Variants in TUSC3 observed in about 807,000 individuals in gnomAD.
TUSC3 encodes dolichyl-diphosphooligosaccharide--protein glycosyltransferase subunit TUSC3.
A neutral mutation model predicts 44.8 loss-of-function variants in TUSC3; 45 were observed. The observed-to-expected ratio is 1.00, with a 90% confidence interval of 0.79 to 1.29. The LOEUF (loss-of-function observed/expected upper bound fraction) is 1.29. Ranked by LOEUF, TUSC3 falls within the 50% of genes most tolerant of loss-of-function variation. The pLI is 0.00. For synonymous variants in TUSC3, 212 were observed against 152.9 expected (o/e 1.39, Z -2.85); for missense variants, 519 against 437.9 (o/e 1.19, Z -1.65).
the TUSC3 span, among the ~76,000 whole-genome samples, chr8:15,839,149 GCT>G: frequency 6.6e-6 from 1 of 151,930 alleles, no homozygotes; most frequent in Non-Finnish European, 1.5e-5. Flanking sequence ...TCATGATTTG[GCT>G]CTCTGTTTGT....
intron 1 of TUSC3, among the ~76,000 whole-genome samples, chr8:15,459,097 C>T (rs186330082): frequency 6.6e-4 from 101 of 152,264 alleles, no homozygotes; most frequent in South Asian, 4.6e-3. Flanking sequence ...TACTCCTAGC[C>T]TTATGACCCA....
In TUSC3 at chr8:15,700,849, C is replaced by CTTTTTTTTTTTTTTTTTT. The variant is rs71211076; in HGVS notation, c.798+27014_798+27031dup. Among the ~76,000 whole-genome samples, 129 of 90,526 alleles carry CTTTTTTTTTTTTTTTTTT rather than the reference C, an allele frequency of 1.4e-3. 15 individuals are homozygous for CTTTTTTTTTTTTTTTTTT. The highest frequency in any genetic ancestry group is 5.9e-3 in the East Asian group (15 of 2,554). The allele number at this position is 90,526 out of a possible 152,430, so 59.4% of individuals were successfully genotyped here. A position where few individuals can be genotyped will look rare whatever the true frequency, so the allele number is the denominator to read the frequency against. ...CTTTCACTAGAGGGAATGGCTGGAG[C>CTTTTTTTTTTTTTTTTTT]TTTTTTTTTTTTTTTTTTGCTTTGC... On this transcript the variant is annotated intron_variant, in intron 6 of 10. Transcript: ENST00000503731.
intron 9 of TUSC3, among the ~76,000 whole-genome samples, chr8:15,754,804 A>AT (rs1317071126): frequency 2.0e-5 from 3 of 151,590 alleles, no homozygotes; most frequent in Non-Finnish European, 4.4e-5. Context: ...TTTTTTTTAC[A>AT]TTTTTTCCTC....
At chr8:15,756,845 C>CGAGTTTGGGGAA (rs1563208441) in intron 9 of TUSC3, among the ~76,000 whole-genome samples, 2 of 152,140 alleles carry the variant, frequency 1.3e-5, no homozygotes, top group African/African-American at 4.8e-5. Flanking sequence ...AACTCGAGCT[C>CGAGTTTGGGGAA]TAAAGCTAAC....
At chr8:15,585,726 G>C (rs1384844919) in intron 1 of TUSC3, among the ~76,000 whole-genome samples, 1 of 152,116 alleles carries the variant, frequency 6.6e-6, no homozygotes, top group East Asian at 1.9e-4. Context: ...CACCTGTGTA[G>C]CCTTTTTTAC....
chr8:15,459,430 A>C (rs1377469874), intron 1 of TUSC3, among the ~76,000 whole-genome samples: 2 of 152,164 alleles, frequency 1.3e-5, no homozygotes, highest in African/African-American at 4.8e-5. Context: ...TAAAGCAATA[A>C]TTAGAAAAAT....
chr8:15,819,089 G>C, the TUSC3 span, among the ~76,000 whole-genome samples: 1 of 152,164 alleles, frequency 6.6e-6, no homozygotes, highest in African/African-American at 2.4e-5. Flanking sequence ...TTTATCTGGA[G>C]AAAATTCACA....
intron 1 of TUSC3, among the ~76,000 whole-genome samples, chr8:15,464,109 T>C (rs1055300028): frequency 1.3e-5 from 2 of 152,200 alleles, no homozygotes; most frequent in Non-Finnish European, 2.9e-5. Context: ...AACTGGAGCA[T>C]GGCAAATTAG....
upstream of TUSC3, among the ~76,000 whole-genome samples, chr8:15,536,021 C>T (rs1801517171): frequency 6.6e-6 from 1 of 152,164 alleles, no homozygotes; most frequent in Non-Finnish European, 1.5e-5. Context: ...CATCAGCTAT[C>T]ATTAGTGTTT....
chr8:15,625,207 CAT>C (rs938529834), intron 2 of TUSC3, among the ~76,000 whole-genome samples: 185 of 152,078 alleles, frequency 1.2e-3, no homozygotes, highest in African/African-American at 4.3e-3. Context: ...TTAATTGTGT[CAT>C]ATTATTTTAT....
At chr8:15,480,194 A>G (rs1563262072) in intron 1 of TUSC3, among the ~76,000 whole-genome samples, 1 of 152,228 alleles carries the variant, frequency 6.6e-6, no homozygotes. Flanking sequence ...ACACAAAGAA[A>G]TAGAAAAACT....
At chr8:15,845,968 A>AG in the TUSC3 span, among the ~76,000 whole-genome samples, 4 of 152,124 alleles carry the variant, frequency 2.6e-5, no homozygotes, top group African/African-American at 9.7e-5. Flanking sequence ...GGGGAAAGGC[A>AG]CTTCTTACAT....
chr8:15,753,833 A>G lies in TUSC3; in HGVS notation c.1029-3958A>G, dbSNP rs1563206742. ...CTGACAGTACAGGGAAAGCAAATAT[A>G]TATCTATTCAATTAGTTAACTAAAG... On this transcript the variant is annotated intron_variant, in intron 9 of 10. Coordinates refer to ENST00000503731, the MANE Select transcript of TUSC3 (RefSeq NM_006765.4). Among the ~76,000 whole-genome samples, 6 of 152,186 alleles carry G rather than the reference A, an allele frequency of 3.9e-5. No individual in the cohort carries two copies. In the South Asian group the frequency reaches 1.0e-3, roughly 26 times the overall value.
intron 1 of TUSC3, among the ~76,000 whole-genome samples, chr8:15,455,009 C>G (rs959937147): frequency 5.3e-5 from 8 of 152,234 alleles, no homozygotes; most frequent in African/African-American, 1.7e-4. Flanking sequence ...CATGGGGAAT[C>G]TTAGGGGTTG....
chr8:15,489,018 TA>T (rs1291455511), intron 2 of TUSC3, among the ~76,000 whole-genome samples: 2 of 152,164 alleles, frequency 1.3e-5, no homozygotes, highest in African/African-American at 4.8e-5. Flanking sequence ...AGAGAAACTG[TA>T]AAATATTTAT....
intron 1 of TUSC3, among the ~76,000 whole-genome samples, chr8:15,574,139 A>G (rs181492492): frequency 3.0e-4 from 45 of 152,230 alleles, no homozygotes; most frequent in Admixed American, 5.9e-4. Context: ...TCAATTGTCA[A>G]TCCATTTCAC....
intron 1 of TUSC3, among the ~76,000 whole-genome samples, chr8:15,442,152 C>A (rs1454455057): frequency 6.6e-6 from 1 of 151,792 alleles, no homozygotes; most frequent in African/African-American, 2.4e-5. Flanking sequence ...TTTTTTTCTT[C>A]ATTCTTATTA....
At chr8:15,807,049 T>C in the TUSC3 span, 4 of 1,419,744 alleles carry the variant, frequency 2.8e-6, no homozygotes, top group African/African-American at 1.4e-5. Context: ...TTATCGGCGA[T>C]GTGATCTAAC....
chr8:15,770,802 A>G (rs542612462), downstream of TUSC3, among the ~76,000 whole-genome samples: 91 of 152,282 alleles, frequency 6.0e-4, no homozygotes, highest in African/African-American at 2.1e-3. Flanking sequence ...AAGCATATTA[A>G]GTATAAATAC....
Sources: allele counts gnomAD v4.1 joint callset (sites outside exome capture counted in the v4.1 genomes callset), GRCh38; gene constraint gnomAD v4.1.1; transcripts MANE v1.5; gene names NCBI Gene and HGNC (gene_info 2026-07-23, HGNC 2026-07-21).